MTOR: variants seen among roughly 807,000 people sequenced by gnomAD.
MTOR encodes the protein serine/threonine-protein kinase mTOR.
MTOR carries 70 observed loss-of-function variants against 319.8 expected under a neutral mutation model. That is an observed-to-expected ratio of 0.22 (90% CI 0.18 to 0.27). MTOR has a LOEUF of 0.27. Among genes scored for constraint, MTOR ranks in the 10% least tolerant of loss-of-function variants. MTOR has a pLI of 1.00. For synonymous variants in MTOR, 1,183 were observed against 1,211.4 expected (o/e 0.98, Z 0.49); for missense variants, 1,890 against 3,274.4 (o/e 0.58, Z 10.32).
At chr1:11,126,968 C>T (rs1397019357) in intron 45 of MTOR, 42 bp downstream of exon 45, 2 of 1,610,872 alleles carry the variant, frequency 1.2e-6, no homozygotes, top group Admixed American at 1.7e-5. Flanking sequence ...ACAGAAAGGA[C>T]TATAATGACA....
intron 30 of MTOR, among the ~76,000 whole-genome samples, chr1:11,156,615 T>C (rs1395159805): frequency 6.6e-6 from 1 of 152,158 alleles, no homozygotes; most frequent in Non-Finnish European, 1.5e-5. Context: ...TCACACATTA[T>C]CAACATCCTC....
chr1:11,119,214 C>A (rs970779545), intron 49 of MTOR, among the ~76,000 whole-genome samples: 2 of 151,276 alleles, frequency 1.3e-5, no homozygotes, highest in East Asian at 3.9e-4. Context: ...GCGGATAACT[C>A]GAGGCTAGGA....
chr1:11,151,896 C>T (rs1644158179), intron 30 of MTOR, among the ~76,000 whole-genome samples: 1 of 152,166 alleles, frequency 6.6e-6, no homozygotes, highest in Non-Finnish European at 1.5e-5. Context: ...GATTCTGTGC[C>T]ACAGGACCAA....
In MTOR at chr1:11,109,821, T is replaced by A; in HGVS notation, c.7367-92A>T. 1 of 1,080,624 alleles carries A rather than the reference T, an allele frequency of 9.3e-7. No homozygotes were observed. The highest frequency in any genetic ancestry group is 1.4e-6 in the Non-Finnish European group (1 of 703,032). The allele number at this position is 1,080,624 out of a possible 1,614,324, so 66.9% of individuals were successfully genotyped here. ...TAATTCTCTACGCACTCTATTCCTT[T>A]AACGCCTGCCCTACCTACCCTAAAG... On this transcript the variant is annotated intron_variant, in intron 54 of 57. Transcript: ENST00000361445. This position sits in a 1 kb window ranked among gnomAD's most constrained non-coding sequence, Gnocchi z 4.0.
intron 28 of MTOR, among the ~76,000 whole-genome samples, chr1:11,173,822 C>T (rs1486611553): frequency 2.0e-5 from 3 of 152,160 alleles, no homozygotes; most frequent in Non-Finnish European, 4.4e-5. Context: ...GCTTATTAAT[C>T]CTGGTGATCA....
chr1:11,218,772 C>A (rs1429100850), intron 19 of MTOR, among the ~76,000 whole-genome samples: 2 of 152,162 alleles, frequency 1.3e-5, no homozygotes, highest in Non-Finnish European at 2.9e-5. Flanking sequence ...CACATGTGTT[C>A]TCTTTTTGCT....
rs113225320 is a variant in MTOR, at chr1:11,111,254, A to G, written c.7367-1525T>C. 4.5e-3 allele frequency: 1,917 copies of G among 426,986 alleles called. 43 individuals are homozygous for G. Among genetic ancestry groups the G allele is most frequent in the African/African-American group, 0.037 (1,795 of 48,806 alleles). The allele number at this position is 426,986 out of a possible 1,614,324, so 26.4% of individuals were successfully genotyped here. A position where few individuals can be genotyped will look rare whatever the true frequency, so the allele number is the denominator to read the frequency against. On this transcript the variant is annotated intron_variant, in intron 54 of 57. Coordinates refer to ENST00000361445, the MANE Select transcript of MTOR (RefSeq NM_004958.4). Reference sequence around the variant, plus strand: ...AGCACTTTGGGAGGCCGAGGCGGGCAGATCACTTGAGGTCAGGAGTTCGAA... The same window carrying G: ...AGCACTTTGGGAGGCCGAGGCGGGCGGATCACTTGAGGTCAGGAGTTCGAA...
chr1:11,194,812 T>TCACA (rs772486834), intron 28 of MTOR: 5 of 1,610,162 alleles, frequency 3.1e-6, no homozygotes, highest in African/African-American at 1.3e-5. Context: ...GTCTGGTCTA[T>TCACA]CACAGTCAAC....
chr1:11,220,994 GT>G (rs34835469), intron 19 of MTOR, among the ~76,000 whole-genome samples: 83,022 of 149,720 alleles, frequency 0.55, 26,689 homozygotes, highest in East Asian at 0.79. Flanking sequence ...TAAAACAAAA[GT>G]TAATTTTTTT....
At chr1:11,135,320 G>T (rs147815252) in intron 36 of MTOR, among the ~76,000 whole-genome samples, 1 of 152,264 alleles carries the variant, frequency 6.6e-6, no homozygotes, top group Non-Finnish European at 1.5e-5. Context: ...ATAATAAAGG[G>T]CTTCAAGGAT....
Position 11,199,753 on chromosome 1 carries a change from G to C in MTOR, c.3945-50C>G, listed in dbSNP as rs760685543. 3.1e-6 allele frequency: 5 copies of C among 1,597,216 alleles called. No homozygotes were observed. In the South Asian group the frequency reaches 5.6e-5, roughly 18 times the overall value. On this transcript the variant is annotated intron_variant, in intron 26 of 57. Transcript: ENST00000361445. The surrounding 1 kb of genome is among the most constrained non-coding windows in gnomAD (Gnocchi z 4.5). ...GGAGAGACCTCCCGTGCCTCTGCCT[G>C]CTGCCTCAAAGTCACACCTATCAAT...
rs2100446660 is a variant in MTOR, at chr1:11,133,278, A to T, written c.5247-81T>A. On this transcript the variant is annotated intron_variant, in intron 37 of 57. Transcript: ENST00000361445. The surrounding 1 kb of genome is among the most constrained non-coding windows in gnomAD (Gnocchi z 4.0). ...AGAGGACCACAAATTGTTAGGGGAC[A>T]CTGAAGCCCTTCTGGTATTTCCTCT... 8.3e-7 allele frequency: 1 copy of T among 1,203,162 alleles called. No homozygotes were observed. Among genetic ancestry groups the T allele is most frequent in the South Asian group, 1.3e-5 (1 of 79,944 alleles). 74.5% of individuals were successfully genotyped at this position (1,203,162 alleles called of 1,614,324 possible).
chr1:11,217,112 T>C (rs1013544982), intron 19 of MTOR, among the ~76,000 whole-genome samples: 10 of 152,150 alleles, frequency 6.6e-5, no homozygotes, highest in Non-Finnish European at 1.3e-4. Flanking sequence ...TAGGTCTTAA[T>C]TAATTAACTA....
chr1:11,194,670 G>T (rs775339107), intron 28 of MTOR: 62 of 1,613,974 alleles, frequency 3.8e-5, no homozygotes, highest in Non-Finnish European at 3.0e-5. Context: ...GTGAGATTTG[G>T]GGGGACCGGA....
chr1:11,110,720 C>T (rs180950842), intron 54 of MTOR, among the ~76,000 whole-genome samples: 3 of 152,070 alleles, frequency 2.0e-5, no homozygotes, highest in Non-Finnish European at 4.4e-5. Context: ...TATTAATGAT[C>T]CATTGGAAGT....
chr1:11,149,539 T>G (rs1158529735), intron 31 of MTOR: 1 of 152,406 alleles, frequency 6.6e-6, no homozygotes, highest in Non-Finnish European at 1.5e-5. Context: ...AATAAACAAG[T>G]AAATGTAAGT....
Position 11,258,501 on chromosome 1 carries a change from A to G in MTOR, c.255T>C (p.Gly85=), listed in dbSNP as rs760664420. The G allele has an allele frequency of 3.1e-6, 5 of 1,613,842 alleles. No homozygotes were observed. The highest frequency in any genetic ancestry group is 4.5e-5 in the East Asian group (2 of 44,894). The change falls in exon 3 of 58, where the codon GGT becomes GGC. Residue 85 remains glycine, a synonymous_variant. Transcript: ENST00000361445. ...VSSSDANERK[G]GILAIASLIG... ...TGTCCTTACCTATGGCCAAGATGCC[A>G]CCTTTCCTCTCATTGGCATCTGAGC...
At chr1:11,255,236 G>A (rs1479854823) in intron 5 of MTOR, among the ~76,000 whole-genome samples, 2 of 151,626 alleles carry the variant, frequency 1.3e-5, no homozygotes, top group Admixed American at 1.3e-4. Flanking sequence ...CACAAAAATT[G>A]GCTGGGCGTG....
intron 56 of MTOR, among the ~76,000 whole-genome samples, chr1:11,108,497 T>C (rs777275167): frequency 5.3e-5 from 8 of 151,762 alleles, no homozygotes; most frequent in African/African-American, 9.7e-5. Flanking sequence ...GCAGATCACC[T>C]GAGGTCAGGA....
Sources: allele counts gnomAD v4.1 joint callset (sites outside exome capture counted in the v4.1 genomes callset), GRCh38; gene constraint gnomAD v4.1.1; non-coding constraint Gnocchi (gnomAD v3.1); transcripts MANE v1.5; gene names NCBI Gene and HGNC (gene_info 2026-07-23, HGNC 2026-07-21).